The following OTOP2 variants were observed in gnomAD, a reference collection of about 807,000 sequenced individuals.
OTOP2 encodes the protein otopetrin 2, also known as proton channel OTOP2.
Under a neutral mutation model 47.4 loss-of-function variants are expected in OTOP2, and 41 were observed. The observed-to-expected ratio is 0.87, with a 90% CI of 0.67 to 1.12. OTOP2 has a LOEUF of 1.12. Ranked by LOEUF, OTOP2 falls within the 50% of genes most tolerant of loss-of-function variation. The pLI, the probability that OTOP2 is intolerant of heterozygous loss-of-function variation, is 0.00. For synonymous variants in OTOP2, 328 were observed against 319.6 expected (o/e 1.03, Z -0.28); for missense variants, 721 against 752.2 (o/e 0.96, Z 0.49).
Position 74,933,075 on chromosome 17 carries a change from C to T in OTOP2, c.1519-300C>T, listed in dbSNP as rs889208054. 6.6e-6 allele frequency among the ~76,000 whole-genome samples: 1 copy of T among 152,116 alleles called. No individual in the cohort carries two copies. The highest frequency in any genetic ancestry group is 2.4e-5 in the African/African-American group (1 of 41,402). On this transcript the variant is annotated intron_variant, in intron 6 of 6. Coordinates refer to ENST00000331427, the MANE Select transcript of OTOP2 (RefSeq NM_178160.3). The surrounding 1 kb of genome is among the most constrained non-coding windows in gnomAD (Gnocchi z 4.7). ...ACCTCTTCTTCTAGAGAAACCTCTTCTCCCCTCCCCAATCCCACATTGAGG... is the reference window on the plus strand; with the variant it reads ...ACCTCTTCTTCTAGAGAAACCTCTTTTCCCCTCCCCAATCCCACATTGAGG...
Position 74,924,873 on chromosome 17 carries a change from C to G in OTOP2, c.241C>G (p.Leu81Val). 1.2e-6 allele frequency: 2 copies of G among 1,603,384 alleles called. No homozygotes were observed. Among genetic ancestry groups the G allele is most frequent in the Non-Finnish European group, 1.7e-6 (2 of 1,175,604 alleles). ...GGCAACGCTCTGGATCCTCTTCTAC[C>G]TCCTCCGAACCGTGCGCTGCCCCTG... ...LLATLWILFY[L>V]LRTVRCPCAV... Residue 81 changes from leucine (L) to valine (V), a missense_variant, in exon 2 of 7, where the codon CTC becomes GTC. Leu to Val is a conservative substitution (Grantham distance 32). Transcript: ENST00000331427. This position sits in a 1 kb window ranked among gnomAD's most constrained non-coding sequence, Gnocchi z 7.7.
At chr17:74,931,418 C>A (rs1197881229) in intron 6 of OTOP2, among the ~76,000 whole-genome samples, 1 of 152,170 alleles carries the variant, frequency 6.6e-6, no homozygotes, top group Non-Finnish European at 1.5e-5. Context: ...AAGGTTGACA[C>A]AGGGGCTGGG....
Position 74,931,162 on chromosome 17 carries a change from C to A in OTOP2, c.1518+9C>A. On this transcript the variant is annotated intron_variant, in intron 6 of 6. Coordinates refer to ENST00000331427, the MANE Select transcript of OTOP2 (RefSeq NM_178160.3). ...TACTCTGCAATGTCATTGTGAGTAG[C>A]TGGGGGGAGAAAGGGTGGGCTTGGG... 1 of 1,570,566 alleles carries A rather than the reference C, an allele frequency of 6.4e-7. No individual in the cohort carries two copies. The highest frequency in any genetic ancestry group is 1.2e-5 in the South Asian group (1 of 84,160).
chr17:74,929,816 G>A (rs998738929), intron 5 of OTOP2, among the ~76,000 whole-genome samples: 13 of 152,190 alleles, frequency 8.5e-5, no homozygotes, highest in African/African-American at 2.9e-4. Flanking sequence ...AGTGTGCCAC[G>A]CCCTGTAAAG....
intron 5 of OTOP2, 194 bp downstream of exon 5, chr17:74,927,992 C>G (rs1057150179): frequency 1.4e-6 from 1 of 723,196 alleles, no homozygotes; most frequent in Non-Finnish European, 2.1e-6. Flanking sequence ...ATCAGGGGTA[C>G]CCTTTTATCC....
At chr17:74,927,196 G>A (rs771812138) in intron 3 of OTOP2, 27 bp from the exon 4 acceptor site, 48 of 1,589,874 alleles carry the variant, frequency 3.0e-5, no homozygotes, top group Non-Finnish European at 3.6e-5. Flanking sequence ...TGGAGTAAAT[G>A]ACTCTCACCA....
At chr17:74,925,806 A>G in intron 3 of OTOP2, 114 bp downstream of exon 3, 1 of 1,460,342 alleles carries the variant, frequency 6.8e-7, no homozygotes. Context: ...CTGAGCTATT[A>G]AGTAAACCAG....
Position 74,927,127 on chromosome 17 carries a change from C to T in OTOP2, c.451-96C>T, listed in dbSNP as rs1272388307. The T allele has an allele frequency of 3.5e-6, 4 of 1,139,432 alleles. No homozygotes were observed. In the East Asian group the frequency reaches 7.0e-5, roughly 20 times the overall value. 70.6% of individuals were successfully genotyped at this position (1,139,432 alleles called of 1,614,324 possible). On this transcript the variant is annotated intron_variant, in intron 3 of 6. Transcript: ENST00000331427. ...AACCTGATAACTCAGTGTAAGGGTTCCTCAGGCGGAGAGAACAAGATGGCA... is the reference window on the plus strand; with the variant it reads ...AACCTGATAACTCAGTGTAAGGGTTTCTCAGGCGGAGAGAACAAGATGGCA...
chr17:74,931,496 C>T (rs2039058532), intron 6 of OTOP2, among the ~76,000 whole-genome samples: 1 of 152,174 alleles, frequency 6.6e-6, no homozygotes, highest in Admixed American at 6.5e-5. Flanking sequence ...GGAGGTGTGA[C>T]TGCTCCTGGG....
At position 74,926,675 on chromosome 17, in the gene OTOP2, T is replaced by C. The variant is rs148592507; in HGVS notation, c.451-548T>C. Reference sequence around the variant, plus strand: ...TGACGTTTTGCAAACCTTTAAAGAATGGAGAACCACTATTTTATACAAACT... The same window carrying C: ...TGACGTTTTGCAAACCTTTAAAGAACGGAGAACCACTATTTTATACAAACT... On this transcript the variant is annotated intron_variant, in intron 3 of 6. Transcript: ENST00000331427. Among the ~76,000 whole-genome samples, 384 of 152,128 alleles carry C rather than the reference T, an allele frequency of 2.5e-3. 3 individuals carry two copies. The highest frequency in any genetic ancestry group is 8.4e-3 in the African/African-American group (349 of 41,522).
chr17:74,931,002 C>G lies in OTOP2; in HGVS notation c.1367C>G (p.Thr456Arg). 6.2e-7 allele frequency: 1 copy of G among 1,614,160 alleles called. No individual in the cohort carries two copies. The highest frequency in any genetic ancestry group is 8.5e-7 in the Non-Finnish European group (1 of 1,180,012). Residue 456 changes from threonine (T) to arginine (R), a missense_variant, in exon 6 of 7, where the codon ACG (threonine) becomes AGG (arginine). Transcript: ENST00000331427. Reference sequence around the variant, plus strand: ...TTCACCAACCTGGATGCCCTCCACACGTTGTCCGCCTGCCCACCCAACCCC... The same window carrying G: ...TTCACCAACCTGGATGCCCTCCACAGGTTGTCCGCCTGCCCACCCAACCCC... ...LTFTNLDALH[T>R]LSACPPNPGL...
chr17:74,926,633 G>A (rs890305066), intron 3 of OTOP2, among the ~76,000 whole-genome samples: 11 of 151,692 alleles, frequency 7.3e-5, no homozygotes, highest in East Asian at 3.9e-4. Context: ...ACCCCACCAC[G>A]AGCAGGGTTT....
rs1228002984 is a variant in OTOP2 at position 74,930,658 on chromosome 17, G to A, written c.1023G>A (p.Leu341=). The part of the protein sequence containing the change: ...FNIVCLGLTT[L]VSLSGSIIYR... ...TTGTCTGCTTGGGACTCACCACCTT[G>A]GTCAGCCTGAGCGGCTCCATCATCT... Residue 341 remains leucine, a synonymous_variant, in exon 6 of 7, where the codon TTG becomes TTA. Transcript: ENST00000331427. This position sits in a 1 kb window ranked among gnomAD's most constrained non-coding sequence, Gnocchi z 4.0. 3.1e-6 allele frequency: 5 copies of A among 1,613,908 alleles called. No individual in the cohort carries two copies. The Admixed American group carries it at 5.0e-5, about 16-fold the overall frequency.
At chr17:74,931,262 G>T in intron 6 of OTOP2, 109 bp downstream of exon 6, 1 of 1,393,396 alleles carries the variant, frequency 7.2e-7, no homozygotes, top group East Asian at 2.4e-5. Flanking sequence ...GCCCGCCTGA[G>T]AATCTTACAG....
chr17:74,930,846 T>C lies in OTOP2; in HGVS notation c.1211T>C (p.Leu404Pro). ...TPQDLLAGLN[L>P]THALLMIAQH... ...CAGGACCTGCTGGCAGGGCTCAACC[T>C]CACCCATGCACTGCTCATGATCGCC... The change falls in exon 6 of 7, where the codon CTC becomes CCC. Residue 404 changes from leucine to proline, a missense_variant. Coordinates refer to ENST00000331427, the MANE Select transcript of OTOP2 (RefSeq NM_178160.3). This position sits in a 1 kb window ranked among gnomAD's most constrained non-coding sequence, Gnocchi z 4.0. The C allele has an allele frequency of 6.2e-7, 1 of 1,613,978 alleles. No individual in the cohort carries two copies. Among genetic ancestry groups the C allele is most frequent in the Non-Finnish European group, 8.5e-7 (1 of 1,179,992 alleles).
chr17:74,926,260 C>G (rs531615226), intron 3 of OTOP2, among the ~76,000 whole-genome samples: 15 of 152,342 alleles, frequency 9.8e-5, no homozygotes, highest in Admixed American at 9.8e-4. Flanking sequence ...ATGCCCTCCC[C>G]AGAAACATCA....
chr17:74,929,983 G>T (rs552317213), intron 5 of OTOP2, among the ~76,000 whole-genome samples: 2 of 152,222 alleles, frequency 1.3e-5, no homozygotes, highest in South Asian at 4.2e-4. Flanking sequence ...AGGAGTTCAA[G>T]ACCAGCCTGG....
At position 74,924,740 on chromosome 17, in the gene OTOP2, G is replaced by A. The variant is rs369224163; in HGVS notation, c.108G>A (p.Ala36=). 1.1e-5 allele frequency: 17 copies of A among 1,608,384 alleles called. No homozygotes were observed. The highest frequency in any genetic ancestry group is 1.3e-5 in the African/African-American group (1 of 74,884). Residue 36 remains alanine (A), a synonymous_variant, in exon 2 of 7, where the codon GCG becomes GCA. Coordinates refer to ENST00000331427, the MANE Select transcript of OTOP2 (RefSeq NM_178160.3). This position sits in a 1 kb window ranked among gnomAD's most constrained non-coding sequence, Gnocchi z 7.7. ...GCCGCCTGCTGTCGGTGCTGCTGGC[G>A]GTGAACGTGCTGCTCCTCGCCTGCA... ...KGGRLLSVLL[A]VNVLLLACTL...
rs762732095 is a variant in OTOP2, at chr17:74,933,423, G to A, written c.1567G>A (p.Val523Met). The change falls in exon 7 of 7, where the codon GTG (valine) becomes ATG (methionine). Residue 523 changes from valine (V) to methionine (M), a missense_variant. Coordinates refer to ENST00000331427, the MANE Select transcript of OTOP2 (RefSeq NM_178160.3). This position sits in a 1 kb window ranked among gnomAD's most constrained non-coding sequence, Gnocchi z 4.7. ...FGARPHFSNT[V>M]EVDFYGYSLW... ...GGCCCGCCCTCATTTCAGCAACACA[G>A]TGGAGGTGGATTTCTACGGCTACTC... 4.3e-6 allele frequency: 7 copies of A among 1,614,020 alleles called. No homozygotes were observed. In the African/African-American group the frequency reaches 8.0e-5, roughly 18 times the overall value.
Sources: allele counts gnomAD v4.1 joint callset (sites outside exome capture counted in the v4.1 genomes callset), GRCh38; gene constraint gnomAD v4.1.1; non-coding constraint Gnocchi (gnomAD v3.1); transcripts MANE v1.5; gene names NCBI Gene and HGNC (gene_info 2026-07-23, HGNC 2026-07-21).